Variants in CASKIN2 observed in about 807,000 individuals in gnomAD.
CASKIN2 encodes the protein CASK interacting protein 2, also known as caskin-2.
CASKIN2 carries 41 observed loss-of-function variants against 107.1 expected under a neutral mutation model. That is an observed-to-expected ratio of 0.38 (90% CI 0.30 to 0.50). The LOEUF is 0.50. CASKIN2 is among the 20% of genes least tolerant of loss of function. CASKIN2 has a pLI of 0.92. For missense variants in CASKIN2, 1,546 were observed against 1,657.4 expected (o/e 0.93, Z 1.17); for synonymous variants, 724 against 705.6 (o/e 1.03, Z -0.41).
chr17:75,501,372 T>C, intron 19 of CASKIN2, 96 bp downstream of exon 19: 1 of 1,389,794 alleles, frequency 7.2e-7, no homozygotes, highest in East Asian at 2.3e-5. Flanking sequence ...GTGCCTGCAA[T>C]GTCCCCCTCC....
At position 75,502,126 on chromosome 17, in the gene CASKIN2, T is replaced by A. The variant is rs1410149286; in HGVS notation, c.2948A>T (p.Asn983Ile). 3.7e-6 allele frequency: 6 copies of A among 1,604,956 alleles called. No individual in the cohort carries two copies. The highest frequency in any genetic ancestry group is 5.1e-6 in the Non-Finnish European group (6 of 1,179,510). The change falls in exon 18 of 20, where the codon AAC becomes ATC. Residue 983 changes from asparagine (N) to isoleucine (I), a missense_variant. Asn to Ile is a moderately radical substitution (Grantham distance 149). Coordinates refer to ENST00000321617, the MANE Select transcript of CASKIN2 (RefSeq NM_020753.5). The surrounding 1 kb of genome is among the most constrained non-coding windows in gnomAD (Gnocchi z 4.3). ...CTTAACAGTGTCTGATTCCGTGAGG[T>A]TGAAATCGAGGCCGGGGGGCACGGG... is the stretch of plus-strand genomic sequence containing the variant. ...ETPVPPGLDF[N>I]LTESDTVKRR...
chr17:75,509,673 T>C, intron 2 of CASKIN2: 2 of 984,558 alleles, frequency 2.0e-6, no homozygotes, highest in Non-Finnish European at 1.2e-6. Flanking sequence ...GAAGCGGAAG[T>C]GCACAGTTCA....
Position 75,502,892 on chromosome 17 carries a change from G to C in CASKIN2, c.2182C>G (p.Gln728Glu), listed in dbSNP as rs752039351. 76 of 1,539,310 alleles carry C rather than the reference G, an allele frequency of 4.9e-5. No individual in the cohort carries two copies. Among genetic ancestry groups the C allele is most frequent in the Middle Eastern group, 1.8e-4 (1 of 5,712 alleles). Reference protein sequence around the residue: ...QPSGGDPSPPQERNLPEGTER... With the variant: ...QPSGGDPSPPEERNLPEGTER... ...GTGCCCTCTGGGAGGTTCCTCTCCT[G>C]GGGGGGGCTGGGATCTCCACCGCTG... The change falls in exon 18 of 20, where the codon CAG becomes GAG. Residue 728 changes from glutamine (Q) to glutamate (E), a missense_variant. Transcript: ENST00000321617. The surrounding 1 kb of genome is among the most constrained non-coding windows in gnomAD (Gnocchi z 4.3).
chr17:75,502,993 C>T lies in CASKIN2; in HGVS notation c.2081G>A (p.Arg694His), dbSNP rs760229839. The change falls in exon 18 of 20, where the codon CGC becomes CAC. Residue 694 changes from arginine to histidine, a missense_variant. This residue lies in a region of CASKIN2 where 1,311 missense variants were observed against 1,311.0 expected (regional missense o/e 1.00). Coordinates refer to ENST00000321617, the MANE Select transcript of CASKIN2 (RefSeq NM_020753.5). This position sits in a 1 kb window ranked among gnomAD's most constrained non-coding sequence, Gnocchi z 4.3. ...CCCGATGCTCTCCTGGCTGGGAGAG[C>T]GGGCAGGTGGGAGGGGGAGTGGTTC... ...GPEPLPLPPA[R>H]SPSQESIGAR... is the part of the protein sequence containing the mutation. The T allele has an allele frequency of 1.2e-5, 19 of 1,604,092 alleles. No homozygotes were observed. Among genetic ancestry groups the T allele is most frequent in the South Asian group, 4.4e-5 (4 of 90,454 alleles).
At position 75,500,820 on chromosome 17, in the gene CASKIN2, C is replaced by G. The variant is rs144847646; in HGVS notation, c.*260G>C. The stretch of plus-strand genomic sequence containing the variant: ...CCAGGGTCCCTGTCCAGGAGCAGGG[C>G]TGTCCTGCTCAATCGATCAAACCCT... On this transcript the variant is annotated 3_prime_UTR_variant, in exon 20 of 20. Coordinates refer to ENST00000321617, the MANE Select transcript of CASKIN2 (RefSeq NM_020753.5). 188 of 476,014 alleles carry G rather than the reference C, an allele frequency of 3.9e-4. No homozygotes were observed. The highest frequency in any genetic ancestry group is 2.8e-3 in the African/African-American group (140 of 50,426). 29.5% of individuals were successfully genotyped at this position (476,014 alleles called of 1,614,324 possible).
In CASKIN2 at chr17:75,501,751, T is replaced by C. The variant is rs201735850; in HGVS notation, c.3295+28A>G. 2.8e-4 allele frequency: 424 copies of C among 1,529,504 alleles called. 1 individual carries two copies. In the East Asian group the frequency reaches 5.1e-3, roughly 18 times the overall value. The allele number at this position is 1,529,504 out of a possible 1,614,324, so 94.7% of individuals were successfully genotyped here. ...GGGTCAGACACAACCCTGCCAGCAG[T>C]GACTCTCCCACAGGCCTCCCCTCTT... On this transcript the variant is annotated intron_variant, in intron 18 of 19. Transcript: ENST00000321617.
In CASKIN2 at chr17:75,502,558, A is replaced by G. The variant is rs146170983; in HGVS notation, c.2516T>C (p.Val839Ala). The change falls in exon 18 of 20, where the codon GTC becomes GCC. Residue 839 changes from valine (V) to alanine (A), a missense_variant. Val to Ala is a moderately conservative substitution (Grantham distance 64, BLOSUM62 0). Coordinates refer to ENST00000321617, the MANE Select transcript of CASKIN2 (RefSeq NM_020753.5). The surrounding 1 kb of genome is among the most constrained non-coding windows in gnomAD (Gnocchi z 4.3). ...LTRRPGRSAL[V>A]RTSPSVTPTP... The stretch of plus-strand genomic sequence containing the variant: ...TGGGGTCACACTAGGACTGGTCCGG[A>G]CAAGGGCACTGCGTCCTGGCCGCCG... 3 of 1,570,628 alleles carry G rather than the reference A, an allele frequency of 1.9e-6. No homozygotes were observed. The African/African-American group carries it at 4.0e-5, about 21-fold the overall frequency.
chr17:75,504,653 G>T lies in CASKIN2; in HGVS notation c.1233C>A (p.Gly411=), dbSNP rs1308776742. The T allele has an allele frequency of 6.2e-7, 1 of 1,604,896 alleles. No individual in the cohort carries two copies. The change falls in exon 12 of 20, where the codon GGC becomes GGA. Residue 411 remains glycine (G), a synonymous_variant. Coordinates refer to ENST00000321617, the MANE Select transcript of CASKIN2 (RefSeq NM_020753.5). ...GCCCGCTGCCGGCACTGCGGATGCT[G>T]CCCACGCTGCCCTCACTGCCCACAC... ...RNSVGSEGSV[G]SIRSAGSGQS...
rs1267741853 is a variant in CASKIN2, at chr17:75,501,665, C to T, written c.3321G>A (p.Val1107=). The T allele has an allele frequency of 6.3e-7, 1 of 1,582,968 alleles. No individual in the cohort carries two copies. The part of the protein sequence containing the change: ...GAGTAPKPVS[V]ACTQLAFSGP... ...CAGAAAATGCCAGCTGGGTGCAGGC[C>T]ACCGACACAGGCTTGGGGGCTGTTC... is the stretch of plus-strand genomic sequence containing the variant. The change falls in exon 19 of 20, where the codon GTG becomes GTA. Residue 1107 remains valine (V), a synonymous_variant. Transcript: ENST00000321617.
At position 75,503,256 on chromosome 17, in the gene CASKIN2, T is replaced by G. The variant is rs1294479298; in HGVS notation, c.1820-2A>C. 6.3e-7 allele frequency: 1 copy of G among 1,583,366 alleles called. No homozygotes were observed. The highest frequency in any genetic ancestry group is 8.6e-7 in the Non-Finnish European group (1 of 1,164,830). On this transcript the variant is annotated splice_acceptor_variant, in intron 17 of 19. Transcript: ENST00000321617. LOFTEE classifies it high-confidence loss of function. ...CCAGCATGAGCTTCTTCTGATGCCC[T>G]GAGATGGGGGACGGAAGTGGCAAGG...
intron 4 of CASKIN2, 88 bp downstream of exon 4, chr17:75,507,496 G>C: frequency 1.0e-6 from 1 of 972,432 alleles, no homozygotes; most frequent in Non-Finnish European, 1.6e-6. Context: ...GCATTGCTAC[G>C]TTGTCATAGG....
rs1394946754 is a variant in CASKIN2 at position 75,505,501 on chromosome 17, A to G, written c.930+56T>C. 3 of 1,551,784 alleles carry G rather than the reference A, an allele frequency of 1.9e-6. No individual in the cohort carries two copies. Among genetic ancestry groups the G allele is most frequent in the Non-Finnish European group, 2.7e-6 (3 of 1,124,438 alleles). ...ACGTGGTAACATAGCAGGTGCCCAAATAAGTAACAGCAATCATTTGTATTT... is the reference window on the plus strand; with the variant it reads ...ACGTGGTAACATAGCAGGTGCCCAAGTAAGTAACAGCAATCATTTGTATTT... On this transcript the variant is annotated intron_variant, in intron 10 of 19. Coordinates refer to ENST00000321617, the MANE Select transcript of CASKIN2 (RefSeq NM_020753.5). This position sits in a 1 kb window ranked among gnomAD's most constrained non-coding sequence, Gnocchi z 5.1.
At chr17:75,511,611 C>A (rs554045028) in intron 2 of CASKIN2, among the ~76,000 whole-genome samples, 1 of 152,358 alleles carries the variant, frequency 6.6e-6, no homozygotes, top group East Asian at 1.9e-4. Flanking sequence ...TCACCAGCCT[C>A]TCCAGCTTCT....
chr17:75,507,177 G>A, intron 4 of CASKIN2, 48 bp from the exon 5 acceptor site: 1 of 1,569,604 alleles, frequency 6.4e-7, no homozygotes, highest in Non-Finnish European at 8.6e-7. Context: ...ACGGCGTTGG[G>A]GGTGGAGAGG....
intron 19 of CASKIN2, 145 bp from the exon 20 acceptor site, chr17:75,501,315 G>T: frequency 1.7e-6 from 2 of 1,187,634 alleles, no homozygotes; most frequent in Non-Finnish European, 1.2e-6. Flanking sequence ...TAGCCACCAG[G>T]ATTCCCTGAT....
rs2053333615 is a variant in CASKIN2 at position 75,513,739 on chromosome 17, C to G, written c.66G>C (p.Leu22=). 1.2e-6 allele frequency: 2 copies of G among 1,613,782 alleles called. No individual in the cohort carries two copies. The highest frequency in any genetic ancestry group is 2.2e-5 in the South Asian group (2 of 91,088). Residue 22 remains leucine (L), a synonymous_variant, in exon 2 of 20, where the codon CTG becomes CTC. Coordinates refer to ENST00000321617, the MANE Select transcript of CASKIN2 (RefSeq NM_020753.5). The part of the protein sequence containing the change: ...KNGDVTGVQK[L]VAKVKATKTK... ...TCTTTGTGGCCTTGACCTTCGCCACCAGTTTCTGCACACCGGTCACATCTC... is the reference window on the plus strand; with the variant it reads ...TCTTTGTGGCCTTGACCTTCGCCACGAGTTTCTGCACACCGGTCACATCTC...
intron 4 of CASKIN2, 107 bp downstream of exon 4, chr17:75,507,477 C>G: frequency 1.2e-6 from 1 of 802,842 alleles, no homozygotes. Flanking sequence ...GCTGTGCTAG[C>G]ATCTATTAGC....
chr17:75,511,310 C>A (rs2053314085), intron 2 of CASKIN2, among the ~76,000 whole-genome samples: 1 of 152,052 alleles, frequency 6.6e-6, no homozygotes, highest in Non-Finnish European at 1.5e-5. Context: ...ATCTGCCCAC[C>A]TCGGCCTCCC....
At chr17:75,507,168 C>T (rs769856824) in intron 4 of CASKIN2, 39 bp from the exon 5 acceptor site, 93 of 1,583,486 alleles carry the variant, frequency 5.9e-5, no homozygotes, top group African/African-American at 1.5e-4. Flanking sequence ...GGTCCTGGGA[C>T]GGCGTTGGGG....
Sources: gnomAD v4.1 joint callset for allele counts (sites outside exome capture counted in the v4.1 genomes callset) on GRCh38, gnomAD v4.1.1 for gene constraint, gnomAD v4.1.1 regional missense constraint, Gnocchi (gnomAD v3.1) non-coding constraint, MANE v1.5 for transcripts, NCBI Gene and HGNC (gene_info 2026-07-23, HGNC 2026-07-21) for gene names.